Variants in TRPM3 observed in about 807,000 individuals in gnomAD.
TRPM3 encodes the protein transient receptor potential cation channel subfamily M member 3, also known as long transient receptor potential channel 3.
In TRPM3, 77 loss-of-function variants were observed where a neutral mutation model predicts 181.2. The observed-to-expected ratio is 0.42, with a 90% confidence interval of 0.35 to 0.51. TRPM3 has a LOEUF of 0.51. Ranked by LOEUF, TRPM3 falls within the 20% of genes least tolerant of loss-of-function variation. The pLI, the probability that TRPM3 is intolerant of heterozygous loss-of-function variation, is 0.01. For synonymous variants in TRPM3, 745 were observed against 796.4 expected, an observed-to-expected ratio of 0.94 and a Z score of 1.09; for missense variants, 1,759 against 2,196.7, an observed-to-expected ratio of 0.80 and a Z score of 3.98.
At chr9:71,365,626 C>A (rs533758463) in intron 1 of TRPM3, among the ~76,000 whole-genome samples, 1 of 152,160 alleles carries the variant, frequency 6.6e-6, no homozygotes, top group East Asian at 1.9e-4. Context: ...AATTAGAATC[C>A]CTCCTTATTA....
At chr9:70,991,573 T>G (rs2097486522) in intron 1 of TRPM3, among the ~76,000 whole-genome samples, 1 of 150,200 alleles carries the variant, frequency 6.7e-6, no homozygotes, top group Non-Finnish European at 1.5e-5. Context: ...TTTTTTTTTT[T>G]GAGTACTAAT....
intron 9 of TRPM3, among the ~76,000 whole-genome samples, chr9:70,675,777 T>A (rs977017677): frequency 6.6e-6 from 1 of 152,230 alleles, no homozygotes; most frequent in Non-Finnish European, 1.5e-5. Context: ...TGAATATATA[T>A]ATGTGTTTGA....
intron 1 of TRPM3, among the ~76,000 whole-genome samples, chr9:71,287,755 C>A (rs1504389): frequency 0.22 from 32,752 of 151,952 alleles, 3,875 homozygotes; most frequent in African/African-American, 0.28. Context: ...AAGACCTATA[C>A]ATGTGTTATT....
chr9:71,376,484 A>G (rs887824723), intron 1 of TRPM3, among the ~76,000 whole-genome samples: 1 of 152,098 alleles, frequency 6.6e-6, no homozygotes, highest in African/African-American at 2.4e-5. Flanking sequence ...AACCATGTAT[A>G]AAGTAATGCC....
At chr9:70,542,157 A>G (rs944157604) in intron 25 of TRPM3, among the ~76,000 whole-genome samples, 1 of 152,190 alleles carries the variant, frequency 6.6e-6, no homozygotes, top group African/African-American at 2.4e-5. Context: ...GGCAGGTGTC[A>G]CAGATATAAA....
chr9:71,031,975 T>TATATTATATATATA (rs1554806593), intron 1 of TRPM3, among the ~76,000 whole-genome samples: 1 of 7,930 alleles, frequency 1.3e-4, no homozygotes, highest in South Asian at 4.1e-3. Flanking sequence ...ATATATATTA[T>TATATTATATATATA]ATATATATAT....
At chr9:70,673,607 A>G (rs891954406) in intron 9 of TRPM3, among the ~76,000 whole-genome samples, 1 of 152,102 alleles carries the variant, frequency 6.6e-6, no homozygotes, top group Non-Finnish European at 1.5e-5. Context: ...TTTGCACAAA[A>G]TTTCATCTAC....
intron 1 of TRPM3, among the ~76,000 whole-genome samples, chr9:70,968,630 T>A (rs1590164972): frequency 6.6e-6 from 1 of 152,296 alleles, no homozygotes. Context: ...ATTGTTGTAC[T>A]GGCTTCAGAG....
At chr9:71,351,869 TGTTTTTG>T (rs2091646297) in intron 1 of TRPM3, among the ~76,000 whole-genome samples, 1 of 107,050 alleles carries the variant, frequency 9.3e-6, no homozygotes, top group South Asian at 3.2e-4. Context: ...TTTGTTTGTT[TGTTTTTG>T]TTTTTTTTTT....
At chr9:70,959,230 TCTC>T (rs1268062752) in intron 1 of TRPM3, among the ~76,000 whole-genome samples, 3 of 152,032 alleles carry the variant, frequency 2.0e-5, no homozygotes, top group Non-Finnish European at 4.4e-5. Context: ...TGTATATTCT[TCTC>T]TCAATTTTGC....
intron 1 of TRPM3, among the ~76,000 whole-genome samples, chr9:71,046,058 C>T (rs2133064908): frequency 6.6e-6 from 1 of 151,574 alleles, no homozygotes; most frequent in Non-Finnish European, 1.5e-5. Context: ...AATCTTGGCT[C>T]ACGATCTTGG....
intron 22 of TRPM3, among the ~76,000 whole-genome samples, chr9:70,555,678 G>A (rs1340395124): frequency 2.0e-5 from 3 of 152,140 alleles, no homozygotes; most frequent in Non-Finnish European, 4.4e-5. Flanking sequence ...CCAGACTTCA[G>A]TGTCTCTGCT....
intron 1 of TRPM3, among the ~76,000 whole-genome samples, chr9:70,919,642 G>A (rs1208603548): frequency 6.6e-6 from 1 of 151,968 alleles, no homozygotes; most frequent in Non-Finnish European, 1.5e-5. Context: ...AAATTAGCTG[G>A]GCGTGGTGGT....
chr9:70,889,167 G>A (rs1367555623), intron 1 of TRPM3, among the ~76,000 whole-genome samples: 1 of 152,142 alleles, frequency 6.6e-6, no homozygotes, highest in Non-Finnish European at 1.5e-5. Flanking sequence ...TTAAAGGCTA[G>A]GAGATGGGTG....
chr9:71,206,979 T>C (rs2079163312), intron 1 of TRPM3, among the ~76,000 whole-genome samples: 1 of 152,092 alleles, frequency 6.6e-6, no homozygotes, highest in Admixed American at 6.6e-5. Context: ...TCTCATGGGA[T>C]GTTCTCTTTA....
At chr9:71,135,908 A>G (rs755327773) in intron 1 of TRPM3, among the ~76,000 whole-genome samples, 1 of 152,186 alleles carries the variant, frequency 6.6e-6, no homozygotes, top group Non-Finnish European at 1.5e-5. Context: ...AGTTATGTAT[A>G]TTTCTCTAGG....
intron 1 of TRPM3, among the ~76,000 whole-genome samples, chr9:71,032,920 T>C (rs191565247): frequency 3.4e-4 from 52 of 152,346 alleles, no homozygotes; most frequent in Non-Finnish European, 7.1e-4. Context: ...TTTAGCTACC[T>C]ACCTATTCAT....
chr9:70,917,485 C>A (rs915388390), intron 1 of TRPM3: 8 of 735,534 alleles, frequency 1.1e-5, no homozygotes, highest in Non-Finnish European at 1.8e-5. Context: ...CCACCACCAG[C>A]ACCAGGGCCA....
At chr9:70,947,616 G>C (rs1194712987) in intron 1 of TRPM3, among the ~76,000 whole-genome samples, 1 of 152,072 alleles carries the variant, frequency 6.6e-6, no homozygotes, top group Non-Finnish European at 1.5e-5. Context: ...AGCTCTGCAG[G>C]CTGGCTGAGA....
Sources: allele counts gnomAD v4.1 joint callset (sites outside exome capture counted in the v4.1 genomes callset), GRCh38; gene constraint gnomAD v4.1.1; transcripts MANE v1.5; gene names NCBI Gene and HGNC (gene_info 2026-07-23, HGNC 2026-07-21).